Variants in LRRTM4 observed in about 807,000 individuals in gnomAD.
LRRTM4 encodes leucine rich repeat transmembrane neuronal 4.
A neutral mutation model predicts 47.6 loss-of-function variants in LRRTM4; 25 were observed. The observed-to-expected ratio is 0.53, with a 90% confidence interval of 0.38 to 0.73. The LOEUF is 0.73. Among genes scored for constraint, LRRTM4 ranks in the 30% least tolerant of loss-of-function variants. LRRTM4 has a pLI of 0.00. For synonymous variants in LRRTM4, 311 were observed against 269.5 expected (o/e 1.15, Z -1.51); for missense variants, 638 against 713.4 (o/e 0.89, Z 1.20).
intron 3 of LRRTM4, among the ~76,000 whole-genome samples, chr2:77,215,527 TTAAC>T (rs1232497066): frequency 6.6e-6 from 1 of 152,194 alleles, no homozygotes; most frequent in Non-Finnish European, 1.5e-5. Context: ...TTTTTTTTCT[TTAAC>T]TATTCTTGGT....
At chr2:76,813,311 G>C (rs372417654) in intron 3 of LRRTM4, among the ~76,000 whole-genome samples, 2 of 152,070 alleles carry the variant, frequency 1.3e-5, no homozygotes, top group African/African-American at 4.8e-5. Flanking sequence ...ATCAGGAGTG[G>C]TATAATCTTG....
intron 3 of LRRTM4, among the ~76,000 whole-genome samples, chr2:77,098,789 A>C (rs1670875921): frequency 6.6e-6 from 1 of 152,004 alleles, no homozygotes; most frequent in Non-Finnish European, 1.5e-5. Context: ...ACAAATCAAT[A>C]AGATAAAGAC....
At chr2:77,389,785 C>T (rs1012027102) in intron 3 of LRRTM4, among the ~76,000 whole-genome samples, 4 of 152,010 alleles carry the variant, frequency 2.6e-5, no homozygotes, top group Middle Eastern at 3.2e-3. Context: ...CTCCCTTTCT[C>T]CCTTCGTCCT....
At chr2:77,302,961 G>C (rs1211022918) in intron 3 of LRRTM4, among the ~76,000 whole-genome samples, 1 of 152,068 alleles carries the variant, frequency 6.6e-6, no homozygotes, top group African/African-American at 2.4e-5. Context: ...GTAGGTGGAA[G>C]CTCCTGGAAA....
At chr2:77,010,262 G>C (rs545788424) in intron 3 of LRRTM4, among the ~76,000 whole-genome samples, 3 of 151,972 alleles carry the variant, frequency 2.0e-5, no homozygotes, top group Admixed American at 1.3e-4. Context: ...CTGAATATTT[G>C]TGTTGTTTGA....
At chr2:76,984,272 T>A in intron 3 of LRRTM4, among the ~76,000 whole-genome samples, 1 of 152,036 alleles carries the variant, frequency 6.6e-6, no homozygotes, top group East Asian at 1.9e-4. Context: ...AAATATATTT[T>A]ATATTAGTAC....
In LRRTM4 at chr2:77,226,969, A is replaced by G. The variant is rs182400969; in HGVS notation, c.1551+291349T>C. ...CTGTGCTCCAGGTTATATTTTCAAT[A>G]TGTTGCCTTATACTCTACTAGATGG... is the stretch of plus-strand genomic sequence containing the variant. On this transcript the variant is annotated intron_variant, in intron 3 of 3. Coordinates refer to ENST00000409884, the MANE Select transcript of LRRTM4 (RefSeq NM_001134745.3). 2.5e-4 allele frequency among the ~76,000 whole-genome samples: 38 copies of G among 152,054 alleles called. 1 individual carries two copies. The East Asian group carries it at 6.6e-3, about 26-fold the overall frequency.
intron 3 of LRRTM4, among the ~76,000 whole-genome samples, chr2:77,136,669 A>G (rs1671953206): frequency 6.6e-6 from 1 of 152,152 alleles, no homozygotes; most frequent in African/African-American, 2.4e-5. Flanking sequence ...CAGAGGATCA[A>G]ATTTCTCCGA....
At chr2:76,893,500 C>T (rs950628020) in intron 3 of LRRTM4, among the ~76,000 whole-genome samples, 10 of 151,740 alleles carry the variant, frequency 6.6e-5, no homozygotes, top group Non-Finnish European at 1.3e-4. Flanking sequence ...ATTTCTGGTA[C>T]AGATAATTCT....
intron 3 of LRRTM4, among the ~76,000 whole-genome samples, chr2:77,223,043 C>G (rs1337001702): frequency 6.6e-6 from 1 of 152,048 alleles, no homozygotes; most frequent in Non-Finnish European, 1.5e-5. Context: ...GGATGCAAGG[C>G]TGGTTCAACA....
At chr2:77,263,689 A>G (rs1675977260) in intron 3 of LRRTM4, among the ~76,000 whole-genome samples, 1 of 152,160 alleles carries the variant, frequency 6.6e-6, no homozygotes, top group Non-Finnish European at 1.5e-5. Flanking sequence ...ACAGATACAT[A>G]CCATTAAAAT....
intron 3 of LRRTM4, among the ~76,000 whole-genome samples, chr2:77,359,143 C>T (rs17014022): frequency 0.085 from 12,885 of 152,048 alleles, 896 homozygotes; most frequent in East Asian, 0.24. Flanking sequence ...TGGACTTGGT[C>T]GTAGATTTTC....
At chr2:76,871,040 A>C (rs541537990) in intron 3 of LRRTM4, among the ~76,000 whole-genome samples, 76 of 152,322 alleles carry the variant, frequency 5.0e-4, no homozygotes, top group African/African-American at 1.8e-3. Context: ...TAGGTTGCAA[A>C]GCAGTATGAT....
At chr2:76,920,885 T>C (rs1020627504) in intron 3 of LRRTM4, among the ~76,000 whole-genome samples, 1 of 151,930 alleles carries the variant, frequency 6.6e-6, no homozygotes, top group African/African-American at 2.4e-5. Flanking sequence ...TTTTCTTCAA[T>C]TTAAACACAC....
intron 3 of LRRTM4, among the ~76,000 whole-genome samples, chr2:77,074,920 T>C (rs1205032355): frequency 6.6e-6 from 1 of 151,902 alleles, no homozygotes; most frequent in Non-Finnish European, 1.5e-5. Flanking sequence ...TCACTTTTTT[T>C]CCAAGATAAC....
chr2:77,426,833 A>G (rs112572968), intron 3 of LRRTM4, among the ~76,000 whole-genome samples: 1 of 69,836 alleles, frequency 1.4e-5, no homozygotes, highest in African/African-American at 4.5e-5. Flanking sequence ...ACACACATGC[A>G]CACACACACA....
At chr2:76,982,993 T>C (rs1437800461) in intron 3 of LRRTM4, among the ~76,000 whole-genome samples, 1 of 152,078 alleles carries the variant, frequency 6.6e-6, no homozygotes, top group Non-Finnish European at 1.5e-5. Flanking sequence ...GATAGTTATA[T>C]GATTAATTCA....
intron 3 of LRRTM4, among the ~76,000 whole-genome samples, chr2:76,909,379 T>A (rs1179127259): frequency 6.6e-6 from 1 of 152,018 alleles, no homozygotes; most frequent in Admixed American, 6.6e-5. Flanking sequence ...TAGACCTAAA[T>A]CCATAAAAAC....
intron 3 of LRRTM4, among the ~76,000 whole-genome samples, chr2:76,812,704 CTTTA>C (rs1208667427): frequency 2.7e-5 from 4 of 149,244 alleles, no homozygotes; most frequent in African/African-American, 5.0e-5. Context: ...TCTTTTCTTT[CTTTA>C]TTTCTTTTTC....
Sources: gnomAD v4.1 joint callset for allele counts (sites outside exome capture counted in the v4.1 genomes callset) on GRCh38, gnomAD v4.1.1 for gene constraint, MANE v1.5 for transcripts, NCBI Gene and HGNC (gene_info 2026-07-23, HGNC 2026-07-21) for gene names.